Variants in ELMO1 observed in about 807,000 individuals in gnomAD.
ELMO1 encodes the protein engulfment and cell motility protein 1.
A neutral mutation model predicts 98.9 loss-of-function variants in ELMO1; 26 were observed. That is an observed-to-expected ratio of 0.26 (90% CI 0.19 to 0.36). The LOEUF (loss-of-function observed/expected upper bound fraction) is 0.36, where lower values mean the gene tolerates loss of function less well. Ranked by LOEUF, ELMO1 falls within the 10% of genes least tolerant of loss-of-function variation. The pLI is 1.00. For missense variants in ELMO1, 627 were observed against 935.2 expected, an observed-to-expected ratio of 0.67 and a Z score of 4.30; for synonymous variants, 346 against 346.0, an observed-to-expected ratio of 1.00 and a Z score of 0.00.
intron 15 of ELMO1, among the ~76,000 whole-genome samples, chr7:37,023,068 G>A (rs1376368862): frequency 6.6e-6 from 1 of 152,154 alleles, no homozygotes; most frequent in African/African-American, 2.4e-5. Context: ...ATTCACAGAT[G>A]ATAATGCAAA....
At chr7:36,929,873 A>C (rs1393993112) in intron 16 of ELMO1, among the ~76,000 whole-genome samples, 1 of 152,254 alleles carries the variant, frequency 6.6e-6, no homozygotes, top group Non-Finnish European at 1.5e-5. Context: ...CCAAAGTATA[A>C]GTAAAGAGGT....
chr7:37,380,914 G>T (rs945155995), intron 1 of ELMO1, among the ~76,000 whole-genome samples: 1 of 152,104 alleles, frequency 6.6e-6, no homozygotes. Flanking sequence ...TAGATAGCAC[G>T]CCAGTACCAC....
intron 15 of ELMO1, among the ~76,000 whole-genome samples, chr7:37,084,325 C>T (rs17170868): frequency 0.024 from 3,664 of 152,290 alleles, 130 homozygotes; most frequent in African/African-American, 0.078. Flanking sequence ...ATTTTTGGAA[C>T]TGACCCTGAA....
At chr7:37,214,463 G>A (rs986907288) in intron 11 of ELMO1, among the ~76,000 whole-genome samples, 3 of 152,082 alleles carry the variant, frequency 2.0e-5, no homozygotes, top group Non-Finnish European at 4.4e-5. Context: ...CTCCAGGATT[G>A]GAGGAAGTCT....
chr7:37,437,122 C>G (rs1805184340), intron 1 of ELMO1, among the ~76,000 whole-genome samples: 1 of 152,122 alleles, frequency 6.6e-6, no homozygotes, highest in African/African-American at 2.4e-5. Flanking sequence ...TCATATGAAA[C>G]CCAGTTCAAC....
chr7:36,860,735 T>C (rs553873236), intron 21 of ELMO1, among the ~76,000 whole-genome samples: 3 of 152,322 alleles, frequency 2.0e-5, no homozygotes, highest in African/African-American at 7.2e-5. Flanking sequence ...GAAGACAAAG[T>C]CTTACCCTTC....
chr7:37,047,412 C>T (rs947820105), intron 15 of ELMO1, among the ~76,000 whole-genome samples: 4 of 152,224 alleles, frequency 2.6e-5, no homozygotes, highest in African/African-American at 9.7e-5. Context: ...TGACATGACA[C>T]CTTGGCCCCA....
At chr7:37,318,286 C>T (rs1799312998) in intron 2 of ELMO1, among the ~76,000 whole-genome samples, 1 of 152,164 alleles carries the variant, frequency 6.6e-6, no homozygotes, top group Non-Finnish European at 1.5e-5. Flanking sequence ...TCCCTGTAGG[C>T]CATCGATCTG....
intron 16 of ELMO1, among the ~76,000 whole-genome samples, chr7:36,901,414 C>T (rs1266895071): frequency 6.6e-6 from 1 of 152,144 alleles, no homozygotes; most frequent in East Asian, 1.9e-4. Context: ...TCTTTGTGAG[C>T]CATACAGTGT....
intron 4 of ELMO1, among the ~76,000 whole-genome samples, chr7:37,292,726 G>A (rs1180014549): frequency 1.2e-4 from 11 of 92,152 alleles, no homozygotes; most frequent in East Asian, 3.1e-4. Context: ...CGCCCCGTCC[G>A]GGAGGGAGGT....
intron 1 of ELMO1, among the ~76,000 whole-genome samples, chr7:37,387,223 A>AT (rs1802845734): frequency 6.6e-6 from 1 of 152,242 alleles, no homozygotes; most frequent in African/African-American, 2.4e-5. Flanking sequence ...GTGCCAATGG[A>AT]TTAGTTCCGA....
At chr7:37,078,299 T>C (rs1797691561) in intron 15 of ELMO1, among the ~76,000 whole-genome samples, 1 of 152,218 alleles carries the variant, frequency 6.6e-6, no homozygotes, top group South Asian at 2.1e-4. Flanking sequence ...AATATGGCTA[T>C]AGTGTAGATG....
intron 2 of ELMO1, among the ~76,000 whole-genome samples, chr7:37,318,590 G>C (rs1307499971): frequency 1.3e-5 from 2 of 152,162 alleles, no homozygotes; most frequent in Non-Finnish European, 2.9e-5. Flanking sequence ...ACATAATGAA[G>C]TTGGATATAT....
intron 4 of ELMO1, among the ~76,000 whole-genome samples, chr7:37,309,597 G>A (rs2131069525): frequency 6.6e-6 from 1 of 152,308 alleles, no homozygotes; most frequent in Admixed American, 6.5e-5. Flanking sequence ...TAGGGTATTT[G>A]GCTGGTTTAG....
At chr7:37,350,748 G>A (rs971767523) in intron 1 of ELMO1, among the ~76,000 whole-genome samples, 3 of 152,134 alleles carry the variant, frequency 2.0e-5, no homozygotes, top group Middle Eastern at 3.2e-3. Flanking sequence ...ACAGGACCTC[G>A]AAAGAAGTAA....
chr7:36,865,220 C>T (rs1802944096), intron 20 of ELMO1, among the ~76,000 whole-genome samples: 1 of 152,170 alleles, frequency 6.6e-6, no homozygotes, highest in South Asian at 2.1e-4. Flanking sequence ...TATGTTGGTT[C>T]TCTATCTATC....
At chr7:37,216,777 G>C (rs1255949291) in intron 10 of ELMO1, 82 bp from the exon 11 acceptor site, 6 of 1,448,932 alleles carry the variant, frequency 4.1e-6, no homozygotes, top group African/African-American at 1.4e-5. Flanking sequence ...CTTATCCTGG[G>C]GTGTGCTTCG....
intron 4 of ELMO1, among the ~76,000 whole-genome samples, chr7:37,301,651 T>C (rs1583497105): frequency 6.7e-6 from 1 of 150,124 alleles, no homozygotes; most frequent in South Asian, 2.1e-4. Flanking sequence ...ACAAGTGCAG[T>C]TGATGGCAAC....
intron 2 of ELMO1, among the ~76,000 whole-genome samples, chr7:37,339,457 T>C (rs1800600534): frequency 6.6e-6 from 1 of 152,196 alleles, no homozygotes; most frequent in South Asian, 2.1e-4. Flanking sequence ...TTTAGTGAAA[T>C]AGCAGCTATC....
Sources: gnomAD v4.1 joint callset for allele counts (sites outside exome capture counted in the v4.1 genomes callset) on GRCh38, gnomAD v4.1.1 for gene constraint, MANE v1.5 for transcripts, NCBI Gene and HGNC (gene_info 2026-07-23, HGNC 2026-07-21) for gene names.